KCNK2: variants seen among roughly 807,000 people sequenced by gnomAD.
The protein encoded by KCNK2 is potassium channel subfamily K member 2.
In KCNK2, 21 loss-of-function variants were observed where a neutral mutation model predicts 40.5. That is an observed-to-expected ratio of 0.52 (90% CI 0.37 to 0.75). KCNK2 has a LOEUF of 0.75. Ranked by LOEUF, KCNK2 falls within the 30% of genes least tolerant of loss-of-function variation. KCNK2 has a pLI of 0.00. For missense variants in KCNK2, 399 were observed against 531.6 expected (o/e 0.75, Z 2.45); for synonymous variants, 191 against 202.2 (o/e 0.94, Z 0.47).
At chr1:215,029,382 C>A (rs2841595) in intron 1 of KCNK2, among the ~76,000 whole-genome samples, 59,949 of 122,430 alleles carry the variant, frequency 0.49, 15,067 homozygotes, top group Non-Finnish European at 0.61. Flanking sequence ...AGCATATAAT[C>A]TATTTGGATT....
intron 1 of KCNK2, among the ~76,000 whole-genome samples, chr1:215,048,660 T>C (rs571841475): frequency 6.6e-6 from 1 of 152,142 alleles, no homozygotes; most frequent in Non-Finnish European, 1.5e-5. Flanking sequence ...CCAGAGTAAA[T>C]TGTATGCCCT....
At chr1:215,078,445 T>C (rs7555013), upstream of KCNK2, among the ~76,000 whole-genome samples, 113,865 of 152,166 alleles carry the variant, frequency 0.75, 43,082 homozygotes, top group Non-Finnish European at 0.77. Context: ...GGGGAGGCCT[T>C]AGGAAACTTA....
intron 3 of KCNK2, among the ~76,000 whole-genome samples, chr1:215,167,454 T>C (rs758097560): frequency 6.6e-6 from 1 of 151,950 alleles, no homozygotes; most frequent in Non-Finnish European, 1.5e-5. Context: ...TCAAAAGAGG[T>C]ACTCTATGTA....
Position 215,083,226 on chromosome 1 carries a change from GCT to G in KCNK2, c.-156_-155del. On this transcript the variant is annotated 5_prime_UTR_variant, in exon 1 of 7. Coordinates refer to ENST00000444842, the MANE Select transcript of KCNK2 (RefSeq NM_001017425.3). Reference sequence around the variant, plus strand: ...CCCGCCCCCTCCCGCGTCCAGCCCCGCTCTCCCCACCTTGTAAAACAAAGCCG... The same window carrying G: ...CCCGCCCCCTCCCGCGTCCAGCCCCGCTCCCCACCTTGTAAAACAAAGCCG... 1 of 323,962 alleles carries G rather than the reference GCT, an allele frequency of 3.1e-6. No individual in the cohort carries two copies. 20.1% of individuals were successfully genotyped at this position (323,962 alleles called of 1,614,324 possible).
In KCNK2 at chr1:215,152,997, G is replaced by A. The variant is rs1005130854; in HGVS notation, c.476-16202G>A. Among the ~76,000 whole-genome samples the A allele has an allele frequency of 3.9e-5, 6 of 152,226 alleles. No individual in the cohort carries two copies. In the South Asian group the frequency reaches 8.3e-4, roughly 21 times the overall value. Reference sequence around the variant, plus strand: ...TGGCTAAGAGATTCAAGATTTTCAGGAACTTCCTATTAGTCAAATAGAACT... The same window carrying A: ...TGGCTAAGAGATTCAAGATTTTCAGAAACTTCCTATTAGTCAAATAGAACT... On this transcript the variant is annotated intron_variant, in intron 3 of 6. Transcript: ENST00000444842.
At chr1:215,116,946 C>G (rs114426950) in intron 2 of KCNK2, among the ~76,000 whole-genome samples, 7,469 of 151,880 alleles carry the variant, frequency 0.049, 203 homozygotes, top group Middle Eastern at 0.13. Context: ...ATGCAAAGTA[C>G]TACTCCATTT....
chr1:215,177,752 T>TTTTTTG (rs1378293084), intron 5 of KCNK2, among the ~76,000 whole-genome samples: 17 of 143,222 alleles, frequency 1.2e-4, no homozygotes, highest in African/African-American at 4.5e-4. Flanking sequence ...TTTTTTTTTT[T>TTTTTTG]GTAGCAGTAC....
At chr1:215,083,509 A>C in intron 1 of KCNK2, 78 bp downstream of exon 1, 2 of 1,027,486 alleles carry the variant, frequency 1.9e-6, no homozygotes, top group Middle Eastern at 2.9e-4. Flanking sequence ...AGGACTGCAA[A>C]TGCCCCCTCT....
chr1:215,122,971 C>A (rs1271630258), intron 2 of KCNK2, among the ~76,000 whole-genome samples: 1 of 151,820 alleles, frequency 6.6e-6, no homozygotes, highest in African/African-American at 2.4e-5. Context: ...GTCTCGATCT[C>A]CTGACCTCGT....
intron 1 of KCNK2, among the ~76,000 whole-genome samples, chr1:215,036,920 GT>G (rs1205603175): frequency 2.0e-5 from 3 of 149,462 alleles, no homozygotes; most frequent in African/African-American, 7.4e-5. Flanking sequence ...TATTTGCTTT[GT>G]AGATGCTTTA....
At chr1:215,111,127 T>C (rs1194463563) in intron 2 of KCNK2, among the ~76,000 whole-genome samples, 3 of 152,328 alleles carry the variant, frequency 2.0e-5, no homozygotes, top group Admixed American at 2.0e-4. Flanking sequence ...CTTAGTAGTA[T>C]GCACTTAACG....
At chr1:215,169,615 A>T (rs1202378395) in intron 4 of KCNK2, among the ~76,000 whole-genome samples, 1 of 147,632 alleles carries the variant, frequency 6.8e-6, no homozygotes, top group African/African-American at 2.5e-5. Context: ...CTTAGATTCA[A>T]ATTTCTTTTA....
At chr1:215,125,790 GAAA>G (rs71686553) in intron 3 of KCNK2, among the ~76,000 whole-genome samples, 1 of 125,682 alleles carries the variant, frequency 8.0e-6, no homozygotes, top group Non-Finnish European at 1.6e-5. Flanking sequence ...AATAAAATTT[GAAA>G]AAAAAAAAAA....
chr1:215,193,805 T>G (rs2102663448), intron 5 of KCNK2, among the ~76,000 whole-genome samples: 1 of 152,302 alleles, frequency 6.6e-6, no homozygotes, highest in Non-Finnish European at 1.5e-5. Flanking sequence ...TTTTCTAGAT[T>G]TCTCTCTTCT....
At chr1:215,122,740 CTTTTTTTTTTT>C (rs564207038) in intron 2 of KCNK2, among the ~76,000 whole-genome samples, 4,466 of 120,380 alleles carry the variant, frequency 0.037, 107 homozygotes, top group South Asian at 0.077. Flanking sequence ...CATTCATAAT[CTTTTTTTTTTT>C]TTTTTTTTTT....
intron 6 of KCNK2, among the ~76,000 whole-genome samples, chr1:215,202,749 C>G (rs567019096): frequency 3.3e-5 from 5 of 152,274 alleles, no homozygotes; most frequent in African/African-American, 1.2e-4. Context: ...AAATGCACAG[C>G]TGTCAAATAA....
At chr1:215,217,956 G>A (rs1277647507) in intron 6 of KCNK2, among the ~76,000 whole-genome samples, 2 of 152,140 alleles carry the variant, frequency 1.3e-5, no homozygotes, top group African/African-American at 4.8e-5. Context: ...ACTCTAATAG[G>A]AAACATGATG....
chr1:215,114,994 G>GGTGT (rs59948899), intron 2 of KCNK2, among the ~76,000 whole-genome samples: 1,666 of 147,326 alleles, frequency 0.011, 26 homozygotes, highest in African/African-American at 0.039. Flanking sequence ...TACTTTGTCA[G>GGTGT]GTGTGTGTGT....
At chr1:215,095,954 C>T (rs901615506) in intron 2 of KCNK2, among the ~76,000 whole-genome samples, 6 of 151,852 alleles carry the variant, frequency 4.0e-5, no homozygotes, top group Non-Finnish European at 5.9e-5. Context: ...TTCTTCATGC[C>T]GGGGCATGAC....
Sources: allele counts gnomAD v4.1 joint callset (sites outside exome capture counted in the v4.1 genomes callset), GRCh38; gene constraint gnomAD v4.1.1; transcripts MANE v1.5; gene names NCBI Gene and HGNC (gene_info 2026-07-23, HGNC 2026-07-21).